Variants in DYM observed in about 807,000 individuals in gnomAD.
The protein encoded by DYM is dyggve-Melchior-Clausen syndrome protein.
DYM carries 78 observed loss-of-function variants against 93.1 expected under a neutral mutation model. The observed-to-expected ratio is 0.84, with a 90% CI of 0.70 to 1.01. DYM has a LOEUF of 1.01. DYM is among the 50% of genes least tolerant of loss of function. DYM has a pLI of 0.00. For missense variants in DYM, 789 were observed against 845.0 expected (o/e 0.93, Z 0.82); for synonymous variants, 321 against 319.7 (o/e 1.00, Z -0.04).
At chr18:49,404,566 A>G (rs111499349) in intron 2 of DYM, among the ~76,000 whole-genome samples, 13,933 of 152,288 alleles carry the variant, frequency 0.091, 864 homozygotes, top group East Asian at 0.31. Context: ...TTTTCTCTGC[A>G]GCCTCACCAG....
At chr18:49,220,705 G>C (rs931605429) in intron 13 of DYM, among the ~76,000 whole-genome samples, 1 of 152,068 alleles carries the variant, frequency 6.6e-6, no homozygotes, top group Non-Finnish European at 1.5e-5. Flanking sequence ...TAGCCATATG[G>C]AGAAAGCTGA....
At chr18:49,295,792 C>T (rs370643398) in intron 8 of DYM, among the ~76,000 whole-genome samples, 1 of 151,740 alleles carries the variant, frequency 6.6e-6, no homozygotes, top group East Asian at 1.9e-4. Context: ...ATTTTTTAAG[C>T]TTGTTATTTC....
At chr18:49,313,622 C>T (rs988861558) in intron 8 of DYM, among the ~76,000 whole-genome samples, 1 of 151,968 alleles carries the variant, frequency 6.6e-6, no homozygotes, top group African/African-American at 2.4e-5. Context: ...AATGGGCAAC[C>T]GGCAGCCCTC....
chr18:49,137,399 T>C (rs572091684), intron 15 of DYM, among the ~76,000 whole-genome samples: 1 of 152,312 alleles, frequency 6.6e-6, no homozygotes, highest in East Asian at 1.9e-4. Context: ...GAGCAACTCA[T>C]TTAATCTGAG....
At chr18:49,181,353 C>A (rs957505917) in intron 14 of DYM, among the ~76,000 whole-genome samples, 4 of 152,060 alleles carry the variant, frequency 2.6e-5, no homozygotes, top group Admixed American at 6.6e-5. Flanking sequence ...TAATTTAATC[C>A]TTGATCCCCC....
Position 49,196,017 on chromosome 18 carries a change from G to A in DYM, c.1625+13534C>T, listed in dbSNP as rs559618310. ...CGGCTCACTGCAACCTTCACCTCCC[G>A]GGTTCAAGCGAATTCTCCTGCCTCA... On this transcript the variant is annotated intron_variant, in intron 14 of 17. Coordinates refer to ENST00000675505, the MANE Select transcript of DYM (RefSeq NM_001353214.3). 4.5e-5 allele frequency among the ~76,000 whole-genome samples: 6 copies of A among 132,312 alleles called. No homozygotes were observed. In the South Asian group the frequency reaches 1.0e-3, roughly 22 times the overall value. The allele number at this position is 132,312 out of a possible 152,430, so 86.8% of individuals were successfully genotyped here.
At chr18:49,295,287 C>T (rs1349443977) in intron 8 of DYM, among the ~76,000 whole-genome samples, 1 of 152,140 alleles carries the variant, frequency 6.6e-6, no homozygotes, top group Non-Finnish European at 1.5e-5. Context: ...ACCATGCTCC[C>T]TTTCTTCTTT....
intron 16 of DYM, among the ~76,000 whole-genome samples, chr18:49,107,858 C>A (rs1300738532): frequency 1.3e-5 from 2 of 152,204 alleles, no homozygotes; most frequent in Admixed American, 1.3e-4. Context: ...GGGTCAGGGA[C>A]CCACTTGAGA....
At chr18:49,114,093 T>G (rs1172781179) in intron 16 of DYM, among the ~76,000 whole-genome samples, 3 of 152,188 alleles carry the variant, frequency 2.0e-5, no homozygotes, top group African/African-American at 7.2e-5. Flanking sequence ...TAAAGCCCCC[T>G]GCAATAACAT....
At chr18:49,229,004 TGG>T (rs2093620844) in intron 13 of DYM, among the ~76,000 whole-genome samples, 1 of 152,184 alleles carries the variant, frequency 6.6e-6, no homozygotes, top group Non-Finnish European at 1.5e-5. Context: ...AATTAACCAA[TGG>T]TTACTCATCA....
intron 17 of DYM, among the ~76,000 whole-genome samples, chr18:49,065,230 ATATAAAC>A (rs2076298069): frequency 6.6e-6 from 1 of 152,172 alleles, no homozygotes; most frequent in Non-Finnish European, 1.5e-5. Flanking sequence ...GAAATCAGGG[ATATAAAC>A]TATTTTCCCA....
intron 1 of DYM, among the ~76,000 whole-genome samples, chr18:49,437,579 A>G (rs1205611863): frequency 6.6e-6 from 1 of 152,242 alleles, no homozygotes; most frequent in Non-Finnish European, 1.5e-5. Context: ...CAGATATGAT[A>G]AATCCAGAGA....
rs937065014 is a variant in DYM at position 49,043,552 on chromosome 18, T to C, written c.*503A>G. The stretch of plus-strand genomic sequence containing the variant: ...CCAAACACACACGACTTCATTTCTT[T>C]ATTAATTCCTGCCTCATCATCTTTT... On this transcript the variant is annotated 3_prime_UTR_variant, in exon 18 of 18. Coordinates refer to ENST00000675505, the MANE Select transcript of DYM (RefSeq NM_001353214.3). The C allele has an allele frequency of 6.4e-6, 1 of 155,744 alleles. No individual in the cohort carries two copies. The allele number at this position is 155,744 out of a possible 1,614,324, so 9.6% of individuals were successfully genotyped here.
At chr18:49,395,022 A>C (rs909863029) in intron 2 of DYM, among the ~76,000 whole-genome samples, 1 of 149,720 alleles carries the variant, frequency 6.7e-6, no homozygotes, top group Non-Finnish European at 1.5e-5. Context: ...GTACTACCTG[A>C]AACTATGAAA....
chr18:49,399,940 T>A (rs951043681), intron 2 of DYM, among the ~76,000 whole-genome samples: 3 of 121,420 alleles, frequency 2.5e-5, no homozygotes, highest in East Asian at 2.3e-4. Context: ...TTTTCTTTTT[T>A]TTTTTTTTTT....
chr18:49,433,571 T>C (rs963204789), intron 1 of DYM, among the ~76,000 whole-genome samples: 1 of 152,094 alleles, frequency 6.6e-6, no homozygotes, highest in African/African-American at 2.4e-5. Flanking sequence ...ACAGTAAAAA[T>C]TTATTAGTTA....
At chr18:49,202,858 G>T (rs2092148756) in intron 14 of DYM, among the ~76,000 whole-genome samples, 1 of 103,618 alleles carries the variant, frequency 9.7e-6, no homozygotes, top group Non-Finnish European at 2.1e-5. Flanking sequence ...TCTGGGAAGT[G>T]AGGAGCGTCT....
intron 8 of DYM, among the ~76,000 whole-genome samples, chr18:49,301,353 T>C (rs1177076964): frequency 6.6e-6 from 1 of 151,966 alleles, no homozygotes; most frequent in African/African-American, 2.4e-5. Context: ...ACCCCGTCTC[T>C]ACTAAAAATA....
chr18:49,449,145 G>C (rs1036244841), intron 1 of DYM, among the ~76,000 whole-genome samples: 1 of 152,104 alleles, frequency 6.6e-6, no homozygotes, highest in Non-Finnish European at 1.5e-5. Context: ...CCTCCTCTTT[G>C]CAAGACCTTA....
Sources: gnomAD v4.1 joint callset for allele counts (sites outside exome capture counted in the v4.1 genomes callset) on GRCh38, gnomAD v4.1.1 for gene constraint, MANE v1.5 for transcripts, NCBI Gene and HGNC (gene_info 2026-07-23, HGNC 2026-07-21) for gene names.